Variants in MMRN1 observed in about 807,000 individuals in gnomAD.
MMRN1 encodes the protein multimerin-1.
Under a neutral mutation model 100.7 loss-of-function variants are expected in MMRN1, and 94 were observed. The observed-to-expected ratio is 0.93, with a 90% CI of 0.79 to 1.11. The LOEUF (loss-of-function observed/expected upper bound fraction) is 1.11. MMRN1 is among the 50% of genes least tolerant of loss of function. The pLI is 0.00. For missense variants in MMRN1, 1,606 were observed against 1,439.1 expected (o/e 1.12, Z -1.88); for synonymous variants, 575 against 505.0 (o/e 1.14, Z -1.86).
At chr4:89,917,809 A>C (rs912815720) in intron 3 of MMRN1, among the ~76,000 whole-genome samples, 5 of 151,930 alleles carry the variant, frequency 3.3e-5, no homozygotes, top group Non-Finnish European at 5.9e-5. Context: ...CAGTTAAATT[A>C]TCCTCCTGCT....
rs79406538 is a variant in MMRN1, at chr4:89,933,081, T to C, written c.1130-1729T>C. On this transcript the variant is annotated intron_variant, in intron 5 of 7. Coordinates refer to ENST00000264790, the MANE Select transcript of MMRN1 (RefSeq NM_007351.3). ...TGCTTTTAAGAGCACCCAAGTGATATCTTGAACTCTCTGCTGCTTAGAAAT... is the reference window on the plus strand; with the variant it reads ...TGCTTTTAAGAGCACCCAAGTGATACCTTGAACTCTCTGCTGCTTAGAAAT... Among the ~76,000 whole-genome samples, 1,257 of 152,332 alleles carry C rather than the reference T, an allele frequency of 8.3e-3. 21 individuals carry two copies. The highest frequency in any genetic ancestry group is 0.026 in the African/African-American group (1,095 of 41,566).
intron 1 of MMRN1, among the ~76,000 whole-genome samples, chr4:89,908,194 A>G (rs1371106660): frequency 6.6e-6 from 1 of 151,362 alleles, no homozygotes; most frequent in African/African-American, 2.4e-5. Flanking sequence ...ACTAGATTGA[A>G]TGTGGAGCTA....
At chr4:89,903,330 A>C (rs1247143205) in intron 1 of MMRN1, among the ~76,000 whole-genome samples, 1 of 151,804 alleles carries the variant, frequency 6.6e-6, no homozygotes, top group Non-Finnish European at 1.5e-5. Context: ...ATGACTTCTT[A>C]AGACTGTAGA....
intron 3 of MMRN1, among the ~76,000 whole-genome samples, chr4:89,921,671 G>A (rs1219933616): frequency 6.6e-6 from 1 of 152,056 alleles, no homozygotes; most frequent in Non-Finnish European, 1.5e-5. Context: ...AATTACACAG[G>A]ACTTTATAGA....
Position 89,952,935 on chromosome 4 carries a change from T to C in MMRN1, c.3266-62T>C, listed in dbSNP as rs1207594404. On this transcript the variant is annotated intron_variant, in intron 7 of 7. Transcript: ENST00000264790. ...AACTGAGATAAAAATGACGAAGATA[T>C]AAGGAAAGAAAAATAAGATAAAAAC... 7.2e-6 allele frequency: 10 copies of C among 1,381,098 alleles called. No homozygotes were observed. The East Asian group carries it at 2.5e-4, about 35-fold the overall frequency. 85.6% of individuals were successfully genotyped at this position (1,381,098 alleles called of 1,614,324 possible).
chr4:89,936,779 G>C lies in MMRN1; in HGVS notation c.3099G>C (p.Thr1033=). ...TGATAGGCCGGACTCAAAGAAACAC[G>C]GACAACATAATATATCCTGGTAAGC... The part of the protein sequence containing the change: ...TVLIGRTQRN[T]DNIIYPEEYS... The change falls in exon 6 of 8, where the codon ACG becomes ACC. Residue 1033 remains threonine (T), a synonymous_variant. Coordinates refer to ENST00000264790, the MANE Select transcript of MMRN1 (RefSeq NM_007351.3). 1 of 1,596,628 alleles carries C rather than the reference G, an allele frequency of 6.3e-7. No individual in the cohort carries two copies.
intron 5 of MMRN1, among the ~76,000 whole-genome samples, chr4:89,931,211 A>G (rs1722421688): frequency 6.6e-6 from 1 of 152,180 alleles, no homozygotes; most frequent in Non-Finnish European, 1.5e-5. Context: ...AGAAATGTTT[A>G]TCCATCTAAA....
chr4:89,911,463 A>G (rs1290507494), intron 2 of MMRN1, among the ~76,000 whole-genome samples: 1 of 151,378 alleles, frequency 6.6e-6, no homozygotes, highest in African/African-American at 2.4e-5. Flanking sequence ...ATTCCATGGG[A>G]AAATGATAGT....
intron 6 of MMRN1, among the ~76,000 whole-genome samples, chr4:89,937,624 T>A (rs948353521): frequency 3.3e-5 from 5 of 152,086 alleles, no homozygotes; most frequent in Non-Finnish European, 7.4e-5. Context: ...TAGGCCTTAG[T>A]TTCTTCCTTT....
intron 4 of MMRN1, among the ~76,000 whole-genome samples, chr4:89,926,153 A>T (rs1362110182): frequency 2.0e-5 from 3 of 152,128 alleles, no homozygotes; most frequent in African/African-American, 7.2e-5. Context: ...TGGAAGTGGG[A>T]TTGCTAGATC....
rs964190843 is a variant in MMRN1 at position 89,930,005 on chromosome 4, G to C, written c.1129+2037G>C. Among the ~76,000 whole-genome samples the C allele has an allele frequency of 1.2e-4, 18 of 152,200 alleles. No individual in the cohort carries two copies. In the East Asian group the frequency reaches 3.5e-3, roughly 29 times the overall value. On this transcript the variant is annotated intron_variant, in intron 5 of 7. Transcript: ENST00000264790. ...AGGCCATACATTCACAATTACAGAAGGTGAATGCTAAGGTATCTGATATCA... is the reference window on the plus strand; with the variant it reads ...AGGCCATACATTCACAATTACAGAACGTGAATGCTAAGGTATCTGATATCA...
At chr4:89,925,411 G>C (rs1578486786) in intron 4 of MMRN1, among the ~76,000 whole-genome samples, 1 of 142,048 alleles carries the variant, frequency 7.0e-6, no homozygotes, top group East Asian at 2.0e-4. Flanking sequence ...GCCTCCCAAA[G>C]TGCTGGGACT....
At position 89,927,816 on chromosome 4, in the gene MMRN1, A is replaced by G; in HGVS notation, c.977A>G (p.Asp326Gly). Residue 326 changes from aspartate (D) to glycine (G), a missense_variant, in exon 5 of 8, where the codon GAT becomes GGT. Coordinates refer to ENST00000264790, the MANE Select transcript of MMRN1 (RefSeq NM_007351.3). ...GCAGAAGTGATGCAAAAAATGACTG[A>G]TCAGGTGAACTACCAGGCAATGAAA... ...GDPEVMQKMTDQVNYQAMKLT... is the reference protein window; with the variant it reads ...GDPEVMQKMTGQVNYQAMKLT... 1 of 1,610,872 alleles carries G rather than the reference A, an allele frequency of 6.2e-7. No individual in the cohort carries two copies. Among genetic ancestry groups the G allele is most frequent in the South Asian group, 1.1e-5 (1 of 90,090 alleles).
intron 1 of MMRN1, among the ~76,000 whole-genome samples, chr4:89,887,583 T>G (rs764358391): frequency 1.3e-5 from 2 of 152,116 alleles, no homozygotes; most frequent in African/African-American, 2.4e-5. Context: ...CTGAGTCTCC[T>G]TTCATCCTTC....
intron 5 of MMRN1, among the ~76,000 whole-genome samples, chr4:89,932,170 C>T (rs180969203): frequency 2.0e-5 from 3 of 152,232 alleles, no homozygotes; most frequent in Admixed American, 1.3e-4. Flanking sequence ...CACGCAAGTC[C>T]GAAATCCAGT....
At chr4:89,928,881 G>T (rs183738850) in intron 5 of MMRN1, among the ~76,000 whole-genome samples, 1 of 152,232 alleles carries the variant, frequency 6.6e-6, no homozygotes, top group Admixed American at 6.6e-5. Flanking sequence ...TGGATACAGG[G>T]AATTAGCATA....
At chr4:89,952,883 C>G (rs1304430315) in intron 7 of MMRN1, 114 bp from the exon 8 acceptor site, 1 of 991,464 alleles carries the variant, frequency 1.0e-6, no homozygotes, top group Non-Finnish European at 1.5e-6. Context: ...TGATGGATGG[C>G]CTTTCTCTTC....
intron 6 of MMRN1, among the ~76,000 whole-genome samples, chr4:89,937,059 A>C (rs1228259613): frequency 6.6e-6 from 1 of 152,110 alleles, no homozygotes; most frequent in African/African-American, 2.4e-5. Flanking sequence ...CTATAAAATA[A>C]TTAAATTTGC....
chr4:89,909,522 G>A, intron 2 of MMRN1, 127 bp downstream of exon 2: 2 of 1,193,108 alleles, frequency 1.7e-6, no homozygotes, highest in Admixed American at 2.9e-5. Flanking sequence ...GTCACATTAT[G>A]CTTTAGTAAG....
Sources: allele counts gnomAD v4.1 joint callset (sites outside exome capture counted in the v4.1 genomes callset), GRCh38; gene constraint gnomAD v4.1.1; transcripts MANE v1.5; gene names NCBI Gene and HGNC (gene_info 2026-07-23, HGNC 2026-07-21).